Variants in CTNNA2 observed in about 807,000 individuals in gnomAD.
CTNNA2 encodes the protein catenin alpha-2.
A neutral mutation model predicts 101.0 loss-of-function variants in CTNNA2; 42 were observed. The observed-to-expected ratio is 0.42, with a 90% confidence interval of 0.32 to 0.54. The LOEUF (loss-of-function observed/expected upper bound fraction) is 0.54, where lower values mean the gene tolerates loss of function less well. Among genes scored for constraint, CTNNA2 ranks in the 20% least tolerant of loss-of-function variants. The pLI, the probability that CTNNA2 is intolerant of heterozygous loss-of-function variation, is 0.14. For synonymous variants in CTNNA2, 450 were observed against 456.4 expected (o/e 0.99, Z 0.18); for missense variants, 871 against 1,223.1 (o/e 0.71, Z 4.29).
chr2:80,319,063 C>A (rs142527539), intron 7 of CTNNA2, among the ~76,000 whole-genome samples: 1 of 152,184 alleles, frequency 6.6e-6, no homozygotes, highest in Non-Finnish European at 1.5e-5. Flanking sequence ...CAAACCCCAT[C>A]ACAGATGGGA....
chr2:79,631,299 G>A (rs1470559139), intron 1 of CTNNA2, among the ~76,000 whole-genome samples: 1 of 152,096 alleles, frequency 6.6e-6, no homozygotes, highest in African/African-American at 2.4e-5. Flanking sequence ...CCAGAGATTT[G>A]CTCTGTAGAA....
intron 9 of CTNNA2, among the ~76,000 whole-genome samples, chr2:80,464,112 G>A (rs957822347): frequency 2.6e-5 from 4 of 152,038 alleles, no homozygotes; most frequent in African/African-American, 9.7e-5. Context: ...CTCTCTGCCA[G>A]CCTCCAAGCA....
rs116802161 is a variant in CTNNA2, at chr2:80,046,030, C to T, written c.1056+136233C>T. ...CTTTAAAGAGAGATTAAACCAGTTC[C>T]GCAAAGGCCAGTGTCCCACTGCTTC... On this transcript the variant is annotated intron_variant, in intron 7 of 18. Coordinates refer to ENST00000402739, the MANE Select transcript of CTNNA2 (RefSeq NM_001282597.3). Among the ~76,000 whole-genome samples the T allele has an allele frequency of 4.1e-3, 629 of 152,284 alleles. 6 individuals are homozygous for T. The highest frequency in any genetic ancestry group is 0.014 in the African/African-American group (580 of 41,550).
chr2:80,222,102 C>T (rs1439642315), intron 7 of CTNNA2, among the ~76,000 whole-genome samples: 2 of 152,158 alleles, frequency 1.3e-5, no homozygotes, highest in Non-Finnish European at 2.9e-5. Flanking sequence ...CCAAGCCAAA[C>T]ACAAGGGCAT....
chr2:79,778,202 C>T (rs1183324470), intron 3 of CTNNA2, among the ~76,000 whole-genome samples: 2 of 151,750 alleles, frequency 1.3e-5, no homozygotes, highest in African/African-American at 4.8e-5. Flanking sequence ...AAAAATTAAC[C>T]GAGTATGGTG....
chr2:79,531,517 C>T lies in CTNNA2; in HGVS notation c.-6+18310C>T, dbSNP rs115654703. On this transcript the variant is annotated intron_variant, in intron 1 of 18. Transcript: ENST00000402739. ...ATTTCCATAGCAACGGAAACAGTCT[C>T]CTTGCACACTTGTTTTATGCCTGCA... Among the ~76,000 whole-genome samples, 1,137 of 152,058 alleles carry T rather than the reference C, an allele frequency of 7.5e-3. 5 individuals are homozygous for T. The highest frequency in any genetic ancestry group is 0.026 in the African/African-American group (1,072 of 41,472).
intron 1 of CTNNA2, among the ~76,000 whole-genome samples, chr2:79,560,176 G>T (rs1674690802): frequency 1.3e-5 from 2 of 151,650 alleles, no homozygotes; most frequent in South Asian, 4.2e-4. Context: ...ATGCTTCAGA[G>T]AAGTAAATTA....
chr2:79,765,618 C>A (rs1673096794), intron 3 of CTNNA2, among the ~76,000 whole-genome samples: 1 of 152,180 alleles, frequency 6.6e-6, no homozygotes, highest in African/African-American at 2.4e-5. Flanking sequence ...CGAAGCACTT[C>A]AGAACACACA....
chr2:79,683,081 C>T (rs1275494549), intron 2 of CTNNA2, among the ~76,000 whole-genome samples: 4 of 152,158 alleles, frequency 2.6e-5, no homozygotes, highest in Admixed American at 2.0e-4. Context: ...GTTAGTACTT[C>T]CTTATTTTGG....
intron 7 of CTNNA2, among the ~76,000 whole-genome samples, chr2:80,385,419 C>T (rs1208454223): frequency 6.6e-6 from 1 of 152,196 alleles, no homozygotes; most frequent in African/African-American, 2.4e-5. Context: ...GAAGTGGACC[C>T]TCACCAGACA....
At chr2:79,409,786 C>T (rs1406524685) in intron 4 of CTNNA2, among the ~76,000 whole-genome samples, 1 of 143,016 alleles carries the variant, frequency 7.0e-6, no homozygotes, top group Non-Finnish European at 1.5e-5. Context: ...GATGCGGGCT[C>T]TTTTTTGGTT....
chr2:79,708,064 T>C (rs1005118659), intron 2 of CTNNA2, among the ~76,000 whole-genome samples: 1 of 152,212 alleles, frequency 6.6e-6, no homozygotes, highest in African/African-American at 2.4e-5. Flanking sequence ...TTTGCAGTAA[T>C]AAAACATTCT....
chr2:79,725,556 G>A (rs1167510629), intron 2 of CTNNA2, among the ~76,000 whole-genome samples: 1 of 152,164 alleles, frequency 6.6e-6, no homozygotes, highest in Non-Finnish European at 1.5e-5. Flanking sequence ...CATAAAGCTT[G>A]GCTTTGGGTA....
intron 6 of CTNNA2, among the ~76,000 whole-genome samples, chr2:79,902,502 T>C (rs17261188): frequency 0.17 from 25,397 of 152,204 alleles, 2,345 homozygotes; most frequent in Non-Finnish European, 0.21. Flanking sequence ...CACTACCCGA[T>C]GTTCATATAC....
chr2:79,562,492 A>G (rs1437246819), intron 1 of CTNNA2, among the ~76,000 whole-genome samples: 1 of 151,998 alleles, frequency 6.6e-6, no homozygotes, highest in Non-Finnish European at 1.5e-5. Context: ...TTAGCCTCTA[A>G]TTTCTCTGAA....
At chr2:80,280,722 T>C (rs1037286224) in intron 7 of CTNNA2, among the ~76,000 whole-genome samples, 1 of 152,124 alleles carries the variant, frequency 6.6e-6, no homozygotes, top group Non-Finnish European at 1.5e-5. Flanking sequence ...TTAAATTGTA[T>C]GCTATTCTGA....
intron 7 of CTNNA2, among the ~76,000 whole-genome samples, chr2:79,986,979 C>A (rs1213555050): frequency 6.6e-6 from 1 of 152,190 alleles, no homozygotes; most frequent in Non-Finnish European, 1.5e-5. Flanking sequence ...GATCTTGCTG[C>A]CTCAAGGTGG....
intron 3 of CTNNA2, among the ~76,000 whole-genome samples, chr2:79,362,025 A>C (rs561459135): frequency 3.4e-4 from 52 of 152,294 alleles, no homozygotes; most frequent in African/African-American, 8.7e-4. Context: ...ACACAATATT[A>C]ACCATCATAC....
intron 1 of CTNNA2, among the ~76,000 whole-genome samples, chr2:79,529,650 G>A (rs938024257): frequency 1.3e-5 from 2 of 151,706 alleles, no homozygotes; most frequent in African/African-American, 2.4e-5. Context: ...ATCGTATGAG[G>A]GTATTTACCT....
Sources: gnomAD v4.1 joint callset for allele counts (sites outside exome capture counted in the v4.1 genomes callset) on GRCh38, gnomAD v4.1.1 for gene constraint, MANE v1.5 for transcripts, NCBI Gene and HGNC (gene_info 2026-07-23, HGNC 2026-07-21) for gene names.